The following PPOX variants were observed in gnomAD, a reference collection of about 807,000 sequenced individuals.
The protein encoded by PPOX is protoporphyrinogen oxidase.
A neutral mutation model predicts 54.1 loss-of-function variants in PPOX; 23 were observed. That is an observed-to-expected ratio of 0.43 (90% confidence interval 0.31 to 0.60). The LOEUF (loss-of-function observed/expected upper bound fraction) is 0.60. Ranked by LOEUF, PPOX falls within the 20% of genes least tolerant of loss-of-function variation. PPOX has a pLI of 0.13. For synonymous variants in PPOX, 224 were observed against 236.1 expected (o/e 0.95, Z 0.47); for missense variants, 512 against 601.1 (o/e 0.85, Z 1.55).
At chr1:161,167,333 C>T in intron 3 of PPOX, 38 bp from the exon 4 acceptor site, 1 of 1,613,954 alleles carries the variant, frequency 6.2e-7, no homozygotes, top group Non-Finnish European at 8.5e-7. Flanking sequence ...TCAGATCTTC[C>T]CTTAGTTTCT....
In PPOX at chr1:161,171,207, T is replaced by C. The variant is rs1376814807; in HGVS notation, c.*31T>C. On this transcript the variant is annotated 3_prime_UTR_variant, in exon 13 of 13. Coordinates refer to ENST00000367999, the MANE Select transcript of PPOX (RefSeq NM_001122764.3). ...AACTCTCATTCATGAAAATAAAAAT[T>C]GCTGGAGCTTGGCTTGGTCTGGCTG... 9 of 1,612,436 alleles carry C rather than the reference T, an allele frequency of 5.6e-6. No individual in the cohort carries two copies. Among genetic ancestry groups the C allele is most frequent in the African/African-American group, 1.3e-5 (1 of 74,884 alleles).
Position 161,167,221 on chromosome 1 carries a change from G to A in PPOX, c.209G>A (p.Arg70Gln), listed in dbSNP as rs535093640. ...GIRPAGALGARTLLLVSELGL... is the reference protein window; with the variant it reads ...GIRPAGALGAQTLLLVSELGL... Reference sequence around the variant, plus strand: ...AGGCCAGCGGGAGCCCTAGGGGCCCGGACCTTGCTCCTGGTGAGAGGCTTG... The same window carrying A: ...AGGCCAGCGGGAGCCCTAGGGGCCCAGACCTTGCTCCTGGTGAGAGGCTTG... Residue 70 changes from arginine (R) to glutamine (Q), a missense_variant, in exon 3 of 13, where the codon CGG becomes CAG. By Grantham distance (43) the Arg-to-Gln change is conservative. Transcript: ENST00000367999. 29 of 1,614,072 alleles carry A rather than the reference G, an allele frequency of 1.8e-5. No individual in the cohort carries two copies. Among genetic ancestry groups the A allele is most frequent in the African/African-American group, 1.1e-4 (8 of 74,916 alleles).
At chr1:161,173,923 G>T (rs549057226), downstream of PPOX, 10 of 1,614,186 alleles carry the variant, frequency 6.2e-6, no homozygotes, top group African/African-American at 1.3e-5. Context: ...CACACATACA[G>T]ATTGTGGTCA....
At chr1:161,175,849 G>A (rs1386657474), downstream of PPOX, 8 of 1,614,046 alleles carry the variant, frequency 5.0e-6, no homozygotes, top group African/African-American at 6.7e-5. Context: ...CAGACCTTGA[G>A]GAGCTGGAGG....
upstream of PPOX, chr1:161,166,038 C>A (rs547327371): frequency 3.0e-5 from 29 of 960,612 alleles, no homozygotes; most frequent in African/African-American, 5.1e-4. Context: ...CCCGTAGGCC[C>A]GGTCTGTTGC....
downstream of PPOX, chr1:161,173,646 T>C (rs560433907): frequency 6.2e-6 from 10 of 1,614,072 alleles, no homozygotes; most frequent in South Asian, 9.9e-5. Context: ...AGCCCCAGTA[T>C]TCATTGGGGA....
At chr1:161,173,457 G>T, downstream of PPOX, 1 of 1,178,862 alleles carries the variant, frequency 8.5e-7, no homozygotes, top group Non-Finnish European at 1.2e-6. Flanking sequence ...CCTGACCTGG[G>T]TATCCTAAAA....
At chr1:161,176,888 A>G in exon 5 of PPOX, 2 of 1,536,256 alleles carry the variant, frequency 1.3e-6, no homozygotes, top group Non-Finnish European at 8.7e-7. Flanking sequence ...TCATGACAGG[A>G]CCGTGGAGTG....
At chr1:161,172,147 C>T, downstream of PPOX, 1 of 1,611,896 alleles carries the variant, frequency 6.2e-7, no homozygotes, top group South Asian at 1.1e-5. Flanking sequence ...AATCTAGGGA[C>T]CTTTAGGATT....
chr1:161,175,243 T>C (rs373828529), downstream of PPOX: 52 of 1,607,354 alleles, frequency 3.2e-5, no homozygotes, highest in Non-Finnish European at 4.3e-5. Context: ...TGGGAAGGAA[T>C]GGCAAGTAGA....
At chr1:161,176,572 G>A in intron 4 of PPOX, 1 of 494,512 alleles carries the variant, frequency 2.0e-6, no homozygotes, top group East Asian at 3.6e-5. Context: ...CAGCGAATCT[G>A]GGACCAGCTG....
chr1:161,167,522 T>TCATCCTC, intron 4 of PPOX, 36 bp downstream of exon 4: 1 of 1,419,548 alleles, frequency 7.0e-7, no homozygotes, highest in Non-Finnish European at 9.7e-7. Context: ...TACTGTGCCC[T>TCATCCTC]CATCCTCATA....
In PPOX at chr1:161,169,674, C is replaced by A; in HGVS notation, c.822C>A (p.Asp274Glu). 1 of 1,614,168 alleles carries A rather than the reference C, an allele frequency of 6.2e-7. No homozygotes were observed. Among genetic ancestry groups the A allele is most frequent in the Non-Finnish European group, 8.5e-7 (1 of 1,180,006 alleles). ...AEGRWKVSLRDSSLEADHVIS... is the reference protein window; with the variant it reads ...AEGRWKVSLRESSLEADHVIS... ...CATGCTCTCAGGTATCTCTAAGGGA[C>A]AGCAGTCTGGAGGCTGACCACGTTA... Residue 274 changes from aspartate to glutamate, a missense_variant, in exon 8 of 13, where the codon GAC (aspartate) becomes GAA (glutamate). By Grantham distance (45) the Asp-to-Glu change is conservative (BLOSUM62 2). Transcript: ENST00000367999.
chr1:161,172,626 C>T (rs755870057), downstream of PPOX, among the ~76,000 whole-genome samples: 5 of 152,146 alleles, frequency 3.3e-5, no homozygotes, highest in African/African-American at 4.8e-5. Context: ...CTAGGAAGGA[C>T]GCAGAGAGAG....
chr1:161,173,767 G>A (rs898425673), downstream of PPOX: 2 of 1,613,206 alleles, frequency 1.2e-6, no homozygotes, highest in Admixed American at 3.3e-5. Context: ...GAGTCTTCTG[G>A]GGACACATCC....
At chr1:161,166,236 G>A, upstream of PPOX, 2 of 962,558 alleles carry the variant, frequency 2.1e-6, no homozygotes, top group Non-Finnish European at 2.5e-6. Context: ...GTCCTGAGGA[G>A]GGCAGTGACG....
intron 9 of PPOX, 181 bp from the exon 10 acceptor site, chr1:161,170,228 G>A: frequency 2.4e-6 from 2 of 839,888 alleles, no homozygotes; most frequent in South Asian, 3.0e-5. Flanking sequence ...GGGAGGCTAA[G>A]GCAGGAGAAT....
intron 1 of PPOX, 52 bp downstream of exon 1, chr1:161,166,724 GCA>G (rs1226165802): frequency 2.7e-5 from 41 of 1,545,980 alleles, no homozygotes; most frequent in Non-Finnish European, 3.5e-5. Context: ...GCCCATCCGT[GCA>G]CACTTAGTTT....
At chr1:161,177,554 G>C (rs1464883286), downstream of PPOX, 1 of 167,798 alleles carries the variant, frequency 6.0e-6, no homozygotes, top group Non-Finnish European at 1.3e-5. Context: ...GAGCCACCCG[G>C]GCTGACTAGG....
Sources: gnomAD v4.1 joint callset for allele counts (sites outside exome capture counted in the v4.1 genomes callset) on GRCh38, gnomAD v4.1.1 for gene constraint, MANE v1.5 for transcripts, NCBI Gene and HGNC (gene_info 2026-07-23, HGNC 2026-07-21) for gene names.